Variants in FAM83F observed in about 807,000 individuals in gnomAD.
FAM83F encodes scaffolding CK1 anchoring protein F, also known as protein FAM83F.
A neutral mutation model predicts 42.9 loss-of-function variants in FAM83F; 45 were observed. The ratio of observed to expected loss-of-function variants is 1.05; its 90% CI spans 0.83 to 1.35. The LOEUF (loss-of-function observed/expected upper bound fraction) is 1.35. Among genes scored for constraint, FAM83F ranks in the 40% most tolerant of loss-of-function variants. The pLI, the probability that FAM83F is intolerant of heterozygous loss-of-function variation, is 0.00. For synonymous variants in FAM83F, 306 were observed against 298.3 expected (o/e 1.03, Z -0.27); for missense variants, 617 against 695.9 (o/e 0.89, Z 1.28).
At chr22:40,015,527 T>C (rs931140442) in intron 1 of FAM83F, among the ~76,000 whole-genome samples, 1 of 152,136 alleles carries the variant, frequency 6.6e-6, no homozygotes, top group Non-Finnish European at 1.5e-5. Flanking sequence ...GTGACACCTG[T>C]ACGTAGGTTA....
In FAM83F at chr22:40,032,930, A is replaced by G. The variant is rs2067598948; in HGVS notation, c.*3365A>G. On this transcript the variant is annotated 3_prime_UTR_variant, in exon 5 of 5. Coordinates refer to ENST00000333407, the MANE Select transcript of FAM83F (RefSeq NM_138435.4). The stretch of plus-strand genomic sequence containing the variant: ...TTTCTCTTTTTCATATTTATTGAGC[A>G]CCTACTATATGCCAGTCACCATGCT... 6.6e-6 allele frequency: 1 copy of G among 151,988 alleles called. No individual in the cohort carries two copies. The highest frequency in any genetic ancestry group is 2.4e-5 in the African/African-American group (1 of 41,356). The allele number at this position is 151,988 out of a possible 1,614,324, so 9.4% of individuals were successfully genotyped here.
At chr22:40,025,750 A>C (rs944366809) in intron 4 of FAM83F, among the ~76,000 whole-genome samples, 1 of 152,126 alleles carries the variant, frequency 6.6e-6, no homozygotes, top group East Asian at 1.9e-4. Context: ...AATCCAACAA[A>C]TAGAGTCTGT....
At chr22:40,011,788 G>C (rs2067465851) in intron 1 of FAM83F, among the ~76,000 whole-genome samples, 1 of 152,186 alleles carries the variant, frequency 6.6e-6, no homozygotes. Context: ...GTCATTGCCA[G>C]CTCCTTGCTA....
chr22:40,013,379 A>C (rs927791466), intron 1 of FAM83F, among the ~76,000 whole-genome samples: 3 of 151,944 alleles, frequency 2.0e-5, no homozygotes, highest in Non-Finnish European at 4.4e-5. Flanking sequence ...TTTTTTCTCC[A>C]CTGAGTTGTG....
At chr22:40,010,504 C>T (rs2145714318) in intron 1 of FAM83F, among the ~76,000 whole-genome samples, 1 of 152,290 alleles carries the variant, frequency 6.6e-6, no homozygotes, top group South Asian at 2.1e-4. Context: ...TGGCTCGCAT[C>T]AGGGCGTCAC....
rs2145719592 is a variant in FAM83F, at chr22:40,019,997, T to G, written c.768T>G (p.Thr256=). 5.6e-6 allele frequency: 9 copies of G among 1,612,938 alleles called. No homozygotes were observed. The highest frequency in any genetic ancestry group is 6.8e-6 in the Non-Finnish European group (8 of 1,179,440). The change falls in exon 3 of 5, where the codon ACT becomes ACG. Residue 256 remains threonine, a synonymous_variant. Coordinates refer to ENST00000333407, the MANE Select transcript of FAM83F (RefSeq NM_138435.4). ...TGGTGGACGGTGACAAAGTGGCCAC[T>G]GGATCTTACAGGTGAGTTGGGCCGG... ...FLMVDGDKVA[T]GSYRFTWSSS...
chr22:40,003,708 CT>C (rs1267531414), intron 1 of FAM83F, among the ~76,000 whole-genome samples: 1 of 152,176 alleles, frequency 6.6e-6, no homozygotes, highest in African/African-American at 2.4e-5. Flanking sequence ...AGTCTGTGGA[CT>C]TGCTAATGAT....
At chr22:40,013,573 T>G (rs1212374080) in intron 1 of FAM83F, among the ~76,000 whole-genome samples, 2 of 152,252 alleles carry the variant, frequency 1.3e-5, no homozygotes, top group African/African-American at 2.4e-5. Flanking sequence ...CCTTACTCTC[T>G]ATAGGACAAG....
At chr22:40,029,015 C>T (rs1002792891) in intron 4 of FAM83F, among the ~76,000 whole-genome samples, 7 of 151,768 alleles carry the variant, frequency 4.6e-5, no homozygotes, top group African/African-American at 1.5e-4. Flanking sequence ...AGAAGGACCG[C>T]AGTCTTACTT....
In FAM83F at chr22:40,019,886, G is replaced by A. The variant is rs1209154326; in HGVS notation, c.658-1G>A. 6.2e-7 allele frequency: 1 copy of A among 1,609,522 alleles called. No homozygotes were observed. Among genetic ancestry groups the A allele is most frequent in the African/African-American group, 1.3e-5 (1 of 74,756 alleles). On this transcript the variant is annotated splice_acceptor_variant, in intron 2 of 4. Coordinates refer to ENST00000333407, the MANE Select transcript of FAM83F (RefSeq NM_138435.4). LOFTEE classifies it high-confidence loss of function. ...ACAGGGCCTTCTGCTCTTCCCAACA[G>A]AACATCCGTGTCCGCTCTGTGACAG...
At chr22:40,012,601 C>G (rs1266719912) in intron 1 of FAM83F, among the ~76,000 whole-genome samples, 2 of 151,442 alleles carry the variant, frequency 1.3e-5, no homozygotes. Context: ...GAAACCCTGT[C>G]TCTACTAAAA....
intron 1 of FAM83F, among the ~76,000 whole-genome samples, chr22:40,000,897 C>T (rs2067397698): frequency 6.6e-6 from 1 of 152,220 alleles, no homozygotes; most frequent in African/African-American, 2.4e-5. Flanking sequence ...CCCAGGGACC[C>T]ACAGGCCCCA....
In FAM83F at chr22:40,041,502, G is replaced by C. The variant is rs1239957738; in HGVS notation, c.*11937G>C. ...TGGCTTAACATTCACACCAGGCTGA[G>C]TAAGCCCCAAAAGTCCTGCCATTGG... On this transcript the variant is annotated 3_prime_UTR_variant, in exon 5 of 5. Coordinates refer to ENST00000333407, the MANE Select transcript of FAM83F (RefSeq NM_138435.4). 1 of 152,186 alleles carries C rather than the reference G, an allele frequency of 6.6e-6. No individual in the cohort carries two copies. The highest frequency in any genetic ancestry group is 1.5e-5 in the Non-Finnish European group (1 of 68,042). 9.4% of individuals were successfully genotyped at this position (152,186 alleles called of 1,614,324 possible).
Position 40,023,472 on chromosome 22 carries a change from G to A in FAM83F, c.1453+1509G>A, listed in dbSNP as rs896522882. Among the ~76,000 whole-genome samples the A allele has an allele frequency of 4.6e-5, 7 of 152,158 alleles. No individual in the cohort carries two copies. The highest frequency in any genetic ancestry group is 1.3e-4 in the Admixed American group (2 of 15,284). ...AGGTGGAAGAGGGGAAGGAGGGGGCGAGCCGACAGCAGCAAGGACTATTTC... is the reference window on the plus strand; with the variant it reads ...AGGTGGAAGAGGGGAAGGAGGGGGCAAGCCGACAGCAGCAAGGACTATTTC... On this transcript the variant is annotated intron_variant, in intron 4 of 4. Coordinates refer to ENST00000333407, the MANE Select transcript of FAM83F (RefSeq NM_138435.4). The surrounding 1 kb of genome is among the most constrained non-coding windows in gnomAD (Gnocchi z 4.1).
chr22:39,997,670 AAG>A (rs1387016323), intron 1 of FAM83F, among the ~76,000 whole-genome samples: 4 of 152,228 alleles, frequency 2.6e-5, no homozygotes, highest in African/African-American at 7.2e-5. Context: ...CTGTTTCAGT[AAG>A]AGAGCTTTTT....
At chr22:40,020,959 A>C (rs1474185313) in intron 3 of FAM83F, among the ~76,000 whole-genome samples, 1 of 152,236 alleles carries the variant, frequency 6.6e-6, no homozygotes, top group Non-Finnish European at 1.5e-5. Flanking sequence ...TATATGAGTT[A>C]CTTCATTTGT....
Position 40,043,289 on chromosome 22 carries a change from G to C in FAM83F, c.*13724G>C, listed in dbSNP as rs2146255296. The C allele has an allele frequency of 6.6e-6, 1 of 152,322 alleles. No homozygotes were observed. Among genetic ancestry groups the C allele is most frequent in the South Asian group, 2.1e-4 (1 of 4,828 alleles). 9.4% of individuals were successfully genotyped at this position (152,322 alleles called of 1,614,324 possible). A position where few individuals can be genotyped will look rare whatever the true frequency, so the allele number is the denominator to read the frequency against. ...ATTACCCAAGATGGAATGTGGGCTA[G>C]AGTCCAGCGTTGTGCTCCTGGAGAT... On this transcript the variant is annotated 3_prime_UTR_variant, in exon 5 of 5. Transcript: ENST00000333407.
chr22:40,001,224 AG>A (rs2067399735), intron 1 of FAM83F, among the ~76,000 whole-genome samples: 1 of 152,274 alleles, frequency 6.6e-6, no homozygotes, highest in Non-Finnish European at 1.5e-5. Context: ...TGAAGTTGAA[AG>A]GTCTTGATTT....
rs1310008153 is a variant in FAM83F at position 40,040,932 on chromosome 22, C to T, written c.*11367C>T. 1 of 152,248 alleles carries T rather than the reference C, an allele frequency of 6.6e-6. No individual in the cohort carries two copies. The highest frequency in any genetic ancestry group is 6.5e-5 in the Admixed American group (1 of 15,284). 9.4% of individuals were successfully genotyped at this position (152,248 alleles called of 1,614,324 possible). ...TTCTTCTGTGTCACAGAAATTAGAGCTGGAGCAGATCCAGCTTGCTATCCC... is the reference window on the plus strand; with the variant it reads ...TTCTTCTGTGTCACAGAAATTAGAGTTGGAGCAGATCCAGCTTGCTATCCC... On this transcript the variant is annotated 3_prime_UTR_variant, in exon 5 of 5. Coordinates refer to ENST00000333407, the MANE Select transcript of FAM83F (RefSeq NM_138435.4).
Sources: gnomAD v4.1 joint callset for allele counts (sites outside exome capture counted in the v4.1 genomes callset) on GRCh38, gnomAD v4.1.1 for gene constraint, Gnocchi (gnomAD v3.1) non-coding constraint, MANE v1.5 for transcripts, NCBI Gene and HGNC (gene_info 2026-07-23, HGNC 2026-07-21) for gene names.